The following ABCG2 variants were observed in gnomAD, a reference collection of about 807,000 sequenced individuals.
The protein encoded by ABCG2 is ATP binding cassette subfamily G member 2 (JR blood group), also known as broad substrate specificity ATP-binding cassette transporter ABCG2.
A neutral mutation model predicts 73.5 loss-of-function variants in ABCG2; 80 were observed. That is an observed-to-expected ratio of 1.09 (90% confidence interval 0.91 to 1.31). The LOEUF (loss-of-function observed/expected upper bound fraction) is 1.31. Ranked by LOEUF, ABCG2 falls within the 50% of genes most tolerant of loss-of-function variation. The pLI, the probability that ABCG2 is intolerant of heterozygous loss-of-function variation, is 0.00. For missense variants in ABCG2, 796 were observed against 786.2 expected (o/e 1.01, Z -0.15); for synonymous variants, 269 against 282.4 (o/e 0.95, Z 0.48).
At chr4:88,129,960 C>CA (rs1295871862) in intron 5 of ABCG2, among the ~76,000 whole-genome samples, 1 of 151,654 alleles carries the variant, frequency 6.6e-6, no homozygotes, top group East Asian at 1.9e-4. Flanking sequence ...GCTTAGCATA[C>CA]AAAAGTCTGT....
At chr4:88,226,487 A>C (rs527412050) in intron 1 of ABCG2, among the ~76,000 whole-genome samples, 1 of 152,338 alleles carries the variant, frequency 6.6e-6, no homozygotes, top group Non-Finnish European at 1.5e-5. Flanking sequence ...ATTATTGAGC[A>C]AGACTTAGTG....
rs1488161118 is a variant in ABCG2 at position 88,202,350 on chromosome 4, TTATTTATATATA to T, written c.-20+28632_-20+28643del. On this transcript the variant is annotated intron_variant, in intron 1 of 15. Coordinates refer to the ABCG2 transcript ENST00000515655. ...ACATAGGAGGACCCCATCTCTACAA[TTATTTATATATA>T]TATATATATATATATGTATATTTTA... is the stretch of plus-strand genomic sequence containing the variant. Among the ~76,000 whole-genome samples the T allele has an allele frequency of 5.1e-4, 18 of 35,394 alleles. 1 individual carries two copies. The highest frequency in any genetic ancestry group is 0.011 in the East Asian group (1 of 94). 23.2% of individuals were successfully genotyped at this position (35,394 alleles called of 152,430 possible).
At position 88,124,502 on chromosome 4, in the gene ABCG2, G is replaced by A. The variant is rs144718796; in HGVS notation, c.532-2710C>T. 3.2e-3 allele frequency among the ~76,000 whole-genome samples: 485 copies of A among 152,120 alleles called. 6 individuals are homozygous for A. Among genetic ancestry groups the A allele is most frequent in the African/African-American group, 0.011 (456 of 41,486 alleles). The stretch of plus-strand genomic sequence containing the variant: ...GCAAATGGAAAGCAAAAAAAGCAGG[G>A]GTTGCAATCCCAGTCTCTGATAAAA... On this transcript the variant is annotated intron_variant, in intron 5 of 15. Transcript: ENST00000237612.
intron 1 of ABCG2, among the ~76,000 whole-genome samples, chr4:88,189,090 C>A (rs1437555550): frequency 6.6e-6 from 1 of 152,130 alleles, no homozygotes; most frequent in African/African-American, 2.4e-5. Flanking sequence ...TTTACATTTT[C>A]TTCAGTCTCT....
chr4:88,159,848 G>A (rs546057260), upstream of ABCG2, among the ~76,000 whole-genome samples: 5 of 152,150 alleles, frequency 3.3e-5, no homozygotes, highest in East Asian at 3.9e-4. Flanking sequence ...TTCATGATGC[G>A]CCCAAACATT....
Position 88,158,466 on chromosome 4 carries a change from A to C in ABCG2, c.-100T>G, listed in dbSNP as rs1256699474. The C allele has an allele frequency of 1.1e-5, 5 of 455,846 alleles. No homozygotes were observed. The highest frequency in any genetic ancestry group is 1.4e-4 in the East Asian group (2 of 14,354). 28.2% of individuals were successfully genotyped at this position (455,846 alleles called of 1,614,324 possible). ...CTCGGAGGCAGCGCTTTAACAATTA[A>C]GGATGTAAATGTTGGGATGAGTCAC... On this transcript the variant is annotated 5_prime_UTR_variant, in exon 1 of 16. Transcript: ENST00000237612.
chr4:88,153,082 G>C (rs572426731), intron 1 of ABCG2, among the ~76,000 whole-genome samples: 1 of 152,296 alleles, frequency 6.6e-6, no homozygotes, highest in South Asian at 2.1e-4. Flanking sequence ...TCCAATTAGA[G>C]AGTGCCTAAG....
Position 88,090,371 on chromosome 4 carries a change from T to C in ABCG2, c.*1863A>G, listed in dbSNP as rs1177004028. 6.6e-6 allele frequency: 1 copy of C among 152,160 alleles called. No homozygotes were observed. The highest frequency in any genetic ancestry group is 1.5e-5 in the Non-Finnish European group (1 of 68,040). The allele number at this position is 152,160 out of a possible 1,614,324, so 9.4% of individuals were successfully genotyped here. On this transcript the variant is annotated 3_prime_UTR_variant, in exon 16 of 16. Transcript: ENST00000237612. Reference sequence around the variant, plus strand: ...AAGTATAGATAGATATTTCTCTCTGTGTAATAAGGGAAGGGTATATATAGA... The same window carrying C: ...AAGTATAGATAGATATTTCTCTCTGCGTAATAAGGGAAGGGTATATATAGA...
intron 1 of ABCG2, among the ~76,000 whole-genome samples, chr4:88,212,599 G>C (rs534088128): frequency 6.6e-6 from 1 of 152,052 alleles, no homozygotes; most frequent in Non-Finnish European, 1.5e-5. Context: ...ACCCAACTCC[G>C]GCAAACCTTT....
intron 1 of ABCG2, among the ~76,000 whole-genome samples, chr4:88,194,002 C>A (rs1479453164): frequency 2.0e-5 from 3 of 152,178 alleles, no homozygotes; most frequent in Non-Finnish European, 2.9e-5. Context: ...ACCTCGGCCT[C>A]CCAACCTAAT....
At chr4:88,104,308 T>C (rs546551674) in intron 10 of ABCG2, among the ~76,000 whole-genome samples, 2 of 152,326 alleles carry the variant, frequency 1.3e-5, no homozygotes, top group East Asian at 3.9e-4. Flanking sequence ...ACTAAACCAC[T>C]GGCCTCGAGC....
chr4:88,095,352 C>A (rs901408633), intron 14 of ABCG2, among the ~76,000 whole-genome samples, 168 bp downstream of exon 14: 1 of 152,162 alleles, frequency 6.6e-6, no homozygotes, highest in Non-Finnish European at 1.5e-5. Flanking sequence ...ACTCCCCAGC[C>A]TTGTGTTAAC....
chr4:88,130,904 G>A (rs999546997), intron 5 of ABCG2, among the ~76,000 whole-genome samples, 157 bp downstream of exon 5: 24 of 152,040 alleles, frequency 1.6e-4, no homozygotes, highest in African/African-American at 5.1e-4. Flanking sequence ...TAATTTCCAC[G>A]TTCATATTAT....
intron 4 of ABCG2, 59 bp from the exon 5 acceptor site, chr4:88,131,272 G>C: frequency 6.5e-7 from 1 of 1,540,146 alleles, no homozygotes; most frequent in Non-Finnish European, 8.9e-7. Flanking sequence ...CTAAGACCAT[G>C]ACTGTTTAGT....
rs146672001 is a variant in ABCG2, at chr4:88,118,243, C to T, written c.707G>A (p.Arg236Gln). 2.5e-6 allele frequency: 4 copies of T among 1,613,862 alleles called. No individual in the cohort carries two copies. Among genetic ancestry groups the T allele is most frequent in the East Asian group, 2.2e-5 (1 of 44,882 alleles). ...LLLKRMSKQG[R>Q]TIIFSIHQPR... is the part of the protein sequence containing the mutation. ...CTGATGAATGGAGAAGATGATTGTT[C>T]GTCCCTGCTTAGACATCCTAAGTTA... Residue 236 changes from arginine to glutamine, a missense_variant, in exon 7 of 16, where the codon CGA becomes CAA. Coordinates refer to ENST00000237612, the MANE Select transcript of ABCG2 (RefSeq NM_004827.3).
At chr4:88,125,102 C>G (rs1244645812) in intron 5 of ABCG2, among the ~76,000 whole-genome samples, 1 of 151,598 alleles carries the variant, frequency 6.6e-6, no homozygotes, top group Admixed American at 6.6e-5. Flanking sequence ...ACCATCCTGG[C>G]TAACACGGTG....
At chr4:88,198,750 G>C (rs1413319089) in intron 1 of ABCG2, among the ~76,000 whole-genome samples, 1 of 152,084 alleles carries the variant, frequency 6.6e-6, no homozygotes, top group Non-Finnish European at 1.5e-5. Flanking sequence ...ACACTATGAA[G>C]ATTGCCATTC....
intron 15 of ABCG2, 46 bp downstream of exon 15, chr4:88,094,531 A>C: frequency 6.6e-7 from 1 of 1,517,324 alleles, no homozygotes; most frequent in Non-Finnish European, 9.2e-7. Flanking sequence ...TATACATCAC[A>C]CCATGGTAGT....
chr4:88,129,070 G>A (rs1724647938), intron 5 of ABCG2, among the ~76,000 whole-genome samples: 1 of 152,154 alleles, frequency 6.6e-6, no homozygotes, highest in Admixed American at 6.6e-5. Context: ...AAATGTGAAT[G>A]CAACTATAAT....
Sources: gnomAD v4.1 joint callset for allele counts (sites outside exome capture counted in the v4.1 genomes callset) on GRCh38, gnomAD v4.1.1 for gene constraint, MANE v1.5 for transcripts, NCBI Gene and HGNC (gene_info 2026-07-23, HGNC 2026-07-21) for gene names.